Variants in AQR observed in about 807,000 individuals in gnomAD.
The protein encoded by AQR is RNA helicase aquarius.
Under a neutral mutation model 180.5 loss-of-function variants are expected in AQR, and 61 were observed. The ratio of observed to expected loss-of-function variants is 0.34; its 90% confidence interval spans 0.28 to 0.42. The LOEUF is 0.42. Among genes scored for constraint, AQR ranks in the 10% least tolerant of loss-of-function variants. The pLI is 1.00. For missense variants in AQR, 1,281 were observed against 1,798.3 expected (o/e 0.71, Z 5.20); for synonymous variants, 551 against 588.8 (o/e 0.94, Z 0.93).
chr15:34,867,458 C>A, intron 32 of AQR, 66 bp downstream of exon 32: 1 of 1,380,472 alleles, frequency 7.2e-7, no homozygotes, highest in Non-Finnish European at 1.0e-6. Context: ...CACTTAGCCA[C>A]AGAATTTCAA....
In AQR at chr15:34,932,220, GA is replaced by G. The variant is rs748414081; in HGVS notation, c.900+97del. On this transcript the variant is annotated intron_variant, in intron 11 of 34. Coordinates refer to ENST00000156471, the MANE Select transcript of AQR (RefSeq NM_014691.3). ...TAAGACATGACTTTAAAATAACTAGGAGTTTGTGTTATGCCCTGATACTCCC... is the reference window on the plus strand; with the variant it reads ...TAAGACATGACTTTAAAATAACTAGGGTTTGTGTTATGCCCTGATACTCCC... 647 of 944,284 alleles carry G rather than the reference GA, an allele frequency of 6.9e-4. 1 individual carries two copies. The highest frequency in any genetic ancestry group is 1.0e-3 in the Non-Finnish European group (602 of 601,210). 58.5% of individuals were successfully genotyped at this position (944,284 alleles called of 1,614,324 possible). A position where few individuals can be genotyped will look rare whatever the true frequency, so the allele number is the denominator to read the frequency against.
intron 29 of AQR, chr15:34,874,358 T>C: frequency 2.9e-6 from 1 of 339,648 alleles, no homozygotes; most frequent in Non-Finnish European, 5.2e-6. Context: ...TCTCCTCTTG[T>C]TCACTTTATT....
At chr15:34,896,740 T>C (rs762199071) in intron 22 of AQR, among the ~76,000 whole-genome samples, 157 bp downstream of exon 22, 1 of 152,072 alleles carries the variant, frequency 6.6e-6, no homozygotes, top group Non-Finnish European at 1.5e-5. Flanking sequence ...TCTCAGCTAC[T>C]TGGGAGGCTT....
chr15:34,928,377 T>C (rs985790153), intron 12 of AQR, among the ~76,000 whole-genome samples: 3 of 152,254 alleles, frequency 2.0e-5, no homozygotes, highest in African/African-American at 7.2e-5. Context: ...TACTGGTGTG[T>C]GTTGTTTCCT....
chr15:34,935,010 T>C (rs1276774586), intron 9 of AQR, among the ~76,000 whole-genome samples: 1 of 152,156 alleles, frequency 6.6e-6, no homozygotes, highest in African/African-American at 2.4e-5. Context: ...ACTTTCCTTA[T>C]TGTCTTTACA....
chr15:34,934,764 T>C (rs1454960508), intron 9 of AQR, 129 bp from the exon 10 acceptor site: 1 of 501,234 alleles, frequency 2.0e-6, no homozygotes, highest in Middle Eastern at 3.7e-4. Flanking sequence ...AATTGGACTA[T>C]GATTTAGAAT....
chr15:34,947,200 G>A (rs368512947), intron 5 of AQR, among the ~76,000 whole-genome samples: 11 of 151,676 alleles, frequency 7.3e-5, no homozygotes, highest in African/African-American at 2.7e-4. Context: ...CCTGTTGATC[G>A]GTGACCTTAC....
At chr15:34,942,325 T>C (rs1302738060) in intron 6 of AQR, among the ~76,000 whole-genome samples, 1 of 152,250 alleles carries the variant, frequency 6.6e-6, no homozygotes, top group Non-Finnish European at 1.5e-5. Context: ...AAATCAACAC[T>C]CCATGTGCTT....
At chr15:34,892,514 TC>T (rs1893165483) in intron 23 of AQR, among the ~76,000 whole-genome samples, 1 of 152,190 alleles carries the variant, frequency 6.6e-6, no homozygotes, top group African/African-American at 2.4e-5. Flanking sequence ...ATTGACCCTC[TC>T]CAGTAGAAAT....
intron 10 of AQR, among the ~76,000 whole-genome samples, chr15:34,933,713 G>C (rs376332997): frequency 6.6e-6 from 1 of 152,152 alleles, no homozygotes; most frequent in Admixed American, 6.5e-5. Context: ...CATGATAGAT[G>C]AGTCAGTCAT....
At chr15:34,957,304 G>A (rs889618342) in intron 3 of AQR, among the ~76,000 whole-genome samples, 10 of 151,906 alleles carry the variant, frequency 6.6e-5, no homozygotes, top group African/African-American at 2.2e-4. Flanking sequence ...TTACAGATGC[G>A]TGCCACCACA....
intron 24 of AQR, among the ~76,000 whole-genome samples, chr15:34,887,164 G>A (rs1187018265): frequency 6.6e-6 from 1 of 151,902 alleles, no homozygotes; most frequent in East Asian, 1.9e-4. Context: ...TATACTCCAT[G>A]GAACAGTATT....
chr15:34,952,873 CT>C lies in AQR; in HGVS notation c.209+11del. The stretch of plus-strand genomic sequence containing the variant: ...ATTATCTCTTTCATCAATGGAATGC[CT>C]TATAACTTACCTAAATTCCAAGAGC... On this transcript the variant is annotated intron_variant, in intron 4 of 34. Transcript: ENST00000156471. 1 of 1,466,166 alleles carries C rather than the reference CT, an allele frequency of 6.8e-7. No homozygotes were observed. Among genetic ancestry groups the C allele is most frequent in the Non-Finnish European group, 9.4e-7 (1 of 1,064,244 alleles). The allele number at this position is 1,466,166 out of a possible 1,614,324, so 90.8% of individuals were successfully genotyped here. A position where few individuals can be genotyped will look rare whatever the true frequency, so the allele number is the denominator to read the frequency against.
At chr15:34,868,444 C>A (rs942490897) in intron 31 of AQR, 6 of 152,100 alleles carry the variant, frequency 3.9e-5, no homozygotes, top group African/African-American at 1.4e-4. Flanking sequence ...ATCAATTTGA[C>A]AAAAAGTTTA....
At chr15:34,948,673 G>A (rs981005847) in intron 4 of AQR, among the ~76,000 whole-genome samples, 2 of 151,690 alleles carry the variant, frequency 1.3e-5, no homozygotes, top group Admixed American at 6.6e-5. Flanking sequence ...GGTGGCACAC[G>A]CCTGTAATCC....
Position 34,948,357 on chromosome 15 carries a change from C to T in AQR, c.237G>A (p.Met79Ile), listed in dbSNP as rs764311051. The change falls in exon 5 of 35, where the codon ATG becomes ATA. Residue 79 changes from methionine (M) to isoleucine (I), a missense_variant. Coordinates refer to ENST00000156471, the MANE Select transcript of AQR (RefSeq NM_014691.3). Reference sequence around the variant, plus strand: ...TGCTAGATACCTCAGGAGAATAATTCATCCAGAGATAATTTTCAAGATACT... The same window carrying T: ...TGCTAGATACCTCAGGAGAATAATTTATCCAGAGATAATTTTCAAGATACT... ...FSQYLENYLWMNYSPEVSSKA... is the reference protein window; with the variant it reads ...FSQYLENYLWINYSPEVSSKA... 7.4e-6 allele frequency: 12 copies of T among 1,612,792 alleles called. No homozygotes were observed. Among genetic ancestry groups the T allele is most frequent in the African/African-American group, 1.3e-5 (1 of 74,894 alleles).
At chr15:34,889,836 C>T (rs936313064) in intron 24 of AQR, among the ~76,000 whole-genome samples, 4 of 152,094 alleles carry the variant, frequency 2.6e-5, no homozygotes, top group Non-Finnish European at 4.4e-5. Context: ...TCCTAATTGG[C>T]ACCTAAAATA....
intron 27 of AQR, among the ~76,000 whole-genome samples, chr15:34,879,042 T>C (rs1330967549): frequency 1.4e-5 from 2 of 147,696 alleles, no homozygotes; most frequent in Admixed American, 6.7e-5. Context: ...AAAAAAAAAA[T>C]AGGCTTCAAC....
intron 12 of AQR, among the ~76,000 whole-genome samples, chr15:34,927,705 G>A (rs908387175): frequency 6.6e-6 from 1 of 152,222 alleles, no homozygotes; most frequent in Non-Finnish European, 1.5e-5. Flanking sequence ...ACAACAGAGT[G>A]ATTGAAATAA....
Sources: allele counts gnomAD v4.1 joint callset (sites outside exome capture counted in the v4.1 genomes callset), GRCh38; gene constraint gnomAD v4.1.1; transcripts MANE v1.5; gene names NCBI Gene and HGNC (gene_info 2026-07-23, HGNC 2026-07-21).